The following AZIN2 variants were observed in gnomAD, a reference collection of about 807,000 sequenced individuals.
AZIN2 encodes antizyme inhibitor 2.
Under a neutral mutation model 47.8 loss-of-function variants are expected in AZIN2, and 28 were observed. That is an observed-to-expected ratio of 0.59 (90% CI 0.43 to 0.80). AZIN2 has a LOEUF of 0.80. AZIN2 is among the 30% of genes least tolerant of loss of function. The pLI is 0.00. For synonymous variants in AZIN2, 221 were observed against 239.4 expected, an observed-to-expected ratio of 0.92 and a Z score of 0.71; for missense variants, 535 against 582.5, an observed-to-expected ratio of 0.92 and a Z score of 0.84.
In AZIN2 at chr1:33,081,178, T is replaced by A. The variant is rs1362425239; in HGVS notation, c.-522T>A. The A allele has an allele frequency of 1.3e-5, 2 of 154,122 alleles. No homozygotes were observed. The highest frequency in any genetic ancestry group is 2.9e-5 in the Non-Finnish European group (2 of 69,490). The allele number at this position is 154,122 out of a possible 1,614,324, so 9.5% of individuals were successfully genotyped here. A position where few individuals can be genotyped will look rare whatever the true frequency, so the allele number is the denominator to read the frequency against. ...GCGTGGGGGTCTGTGGCTGCTGGGC[T>A]GGCGGGGCGCAGGCCGCGGGACCCG... On this transcript the variant is annotated 5_prime_UTR_variant, in exon 1 of 12. Transcript: ENST00000294517. This position sits in a 1 kb window ranked among gnomAD's most constrained non-coding sequence, Gnocchi z 4.2.
the AZIN2 span, chr1:33,158,334 A>C: frequency 6.2e-7 from 1 of 1,613,866 alleles, no homozygotes; most frequent in East Asian, 2.2e-5. Flanking sequence ...AAGTCTTCAT[A>C]TGTGAGGTTG....
downstream of AZIN2, among the ~76,000 whole-genome samples, chr1:33,124,670 G>A (rs567742122): frequency 8.6e-5 from 13 of 151,156 alleles, no homozygotes; most frequent in South Asian, 4.2e-4. The surrounding 1 kb of genome is among the most constrained non-coding windows in gnomAD (Gnocchi z 4.6). Context: ...TCCCTCCCCC[G>A]TCCCCCAACC....
At chr1:33,082,753 C>A in intron 4 of AZIN2, 1 of 183,422 alleles carries the variant, frequency 5.5e-6, no homozygotes, top group South Asian at 9.6e-5. Context: ...GCCACCCCCT[C>A]CAAAGGTATC....
At chr1:33,111,004 CAG>C (rs1345390023) in intron 10 of AZIN2, among the ~76,000 whole-genome samples, 1 of 152,216 alleles carries the variant, frequency 6.6e-6, no homozygotes, top group Non-Finnish European at 1.5e-5. Flanking sequence ...TGCAGTGTCA[CAG>C]AAACAGCAGT....
chr1:33,116,978 G>A (rs1340187063), intron 10 of AZIN2, among the ~76,000 whole-genome samples: 2 of 152,188 alleles, frequency 1.3e-5, no homozygotes, highest in Non-Finnish European at 2.9e-5. Flanking sequence ...GTGACTCTAG[G>A]ATCTGCCTGG....
At chr1:33,086,738 C>T (rs1432527077) in intron 5 of AZIN2, among the ~76,000 whole-genome samples, 1 of 152,222 alleles carries the variant, frequency 6.6e-6, no homozygotes. Flanking sequence ...CTGTCCCAAT[C>T]GCTTGCCCTC....
At chr1:33,151,516 G>A in the AZIN2 span, among the ~76,000 whole-genome samples, 1 of 152,080 alleles carries the variant, frequency 6.6e-6, no homozygotes, top group African/African-American at 2.4e-5. Context: ...GACCTAGAAG[G>A]GGCATGGCAA....
chr1:33,151,019 G>A, the AZIN2 span, among the ~76,000 whole-genome samples: 12 of 152,058 alleles, frequency 7.9e-5, no homozygotes, highest in African/African-American at 1.9e-4. Flanking sequence ...GGTGCGGGGC[G>A]GGGGGTACCC....
intron 10 of AZIN2, among the ~76,000 whole-genome samples, chr1:33,101,651 A>G (rs1643707506): frequency 6.6e-6 from 1 of 152,122 alleles, no homozygotes; most frequent in African/African-American, 2.4e-5. Flanking sequence ...CCTTCCATGC[A>G]AAGTCGTCAC....
In AZIN2 at chr1:33,120,350, C is replaced by A. The variant is rs1037239080; in HGVS notation, c.*168C>A. The stretch of plus-strand genomic sequence containing the variant: ...TGCCCTGTAAATAGGACCAGTCTTA[C>A]ACTCGCTGTAGTTCAAGTATGCAAC... On this transcript the variant is annotated 3_prime_UTR_variant, in exon 12 of 12. Transcript: ENST00000294517. The A allele has an allele frequency of 2.5e-5, 22 of 886,934 alleles. No individual in the cohort carries two copies. The highest frequency in any genetic ancestry group is 1.2e-4 in the Admixed American group (4 of 34,300). 54.9% of individuals were successfully genotyped at this position (886,934 alleles called of 1,614,324 possible). A position where few individuals can be genotyped will look rare whatever the true frequency, so the allele number is the denominator to read the frequency against.
downstream of AZIN2, among the ~76,000 whole-genome samples, chr1:33,127,606 C>T (rs1320718201): frequency 1.3e-5 from 2 of 152,214 alleles, no homozygotes; most frequent in Admixed American, 6.5e-5. Context: ...CGGAAGTGGG[C>T]TTATTTGCGC....
At chr1:33,144,127 T>C in the AZIN2 span, among the ~76,000 whole-genome samples, 10 of 89,690 alleles carry the variant, frequency 1.1e-4, no homozygotes, top group Admixed American at 1.5e-3. Flanking sequence ...TCCGCTTTAA[T>C]GTTACTTCTT....
chr1:33,160,336 T>C, the AZIN2 span, among the ~76,000 whole-genome samples: 4 of 151,752 alleles, frequency 2.6e-5, no homozygotes, highest in Non-Finnish European at 5.9e-5. Flanking sequence ...GGAGCTGGAG[T>C]GAGGGCTAGG....
At chr1:33,103,176 A>G (rs1557702050) in intron 10 of AZIN2, among the ~76,000 whole-genome samples, 1 of 152,042 alleles carries the variant, frequency 6.6e-6, no homozygotes, top group South Asian at 2.1e-4. Flanking sequence ...ATCTTTTAAA[A>G]TCCCAAAGAT....
chr1:33,146,991 T>C, the AZIN2 span: 88 of 630,942 alleles, frequency 1.4e-4, no homozygotes, highest in East Asian at 5.5e-5. Context: ...AGAACATCGA[T>C]GCTGGAAGAG....
chr1:33,116,146 G>A (rs1333017613), intron 10 of AZIN2, among the ~76,000 whole-genome samples: 2 of 152,146 alleles, frequency 1.3e-5, no homozygotes, highest in African/African-American at 2.4e-5. Flanking sequence ...TGTGTTTACT[G>A]CTGCATCTCC....
At chr1:33,165,426 C>CCCTCATCTCTGCCGG in the AZIN2 span, 4 of 1,515,834 alleles carry the variant, frequency 2.6e-6, no homozygotes, top group African/African-American at 1.4e-5. This position sits in a 1 kb window ranked among gnomAD's most constrained non-coding sequence, Gnocchi z 4.0. Context: ...CGAAGCCCTG[C>CCCTCATCTCTGCCGG]CCTCATCTCT....
At position 33,120,314 on chromosome 1, in the gene AZIN2, T is replaced by G; in HGVS notation, c.*132T>G. On this transcript the variant is annotated 3_prime_UTR_variant, in exon 12 of 12. Transcript: ENST00000294517. Reference sequence around the variant, plus strand: ...CACCCTGCCACCCCCGCGCTCCACCTGCAGTGTTTCTGCCCTGTAAATAGG... The same window carrying G: ...CACCCTGCCACCCCCGCGCTCCACCGGCAGTGTTTCTGCCCTGTAAATAGG... 1.5e-6 allele frequency: 2 copies of G among 1,290,944 alleles called. No homozygotes were observed. The highest frequency in any genetic ancestry group is 2.1e-6 in the Non-Finnish European group (2 of 944,824). The allele number at this position is 1,290,944 out of a possible 1,614,324, so 80.0% of individuals were successfully genotyped here.
the AZIN2 span, among the ~76,000 whole-genome samples, chr1:33,152,079 C>T: frequency 6.6e-6 from 1 of 152,230 alleles, no homozygotes; most frequent in Admixed American, 6.5e-5. Flanking sequence ...CTCATGGGAG[C>T]ACCACGACAG....
Sources: gnomAD v4.1 joint callset for allele counts (sites outside exome capture counted in the v4.1 genomes callset) on GRCh38, gnomAD v4.1.1 for gene constraint, Gnocchi (gnomAD v3.1) non-coding constraint, MANE v1.5 for transcripts, NCBI Gene and HGNC (gene_info 2026-07-23, HGNC 2026-07-21) for gene names.